FCHSD2: variants seen among roughly 807,000 people sequenced by gnomAD.
FCHSD2 encodes FCH and double SH3 domains 2.
FCHSD2 carries 38 observed loss-of-function variants against 108.1 expected under a neutral mutation model. The observed-to-expected ratio is 0.35, with a 90% CI of 0.27 to 0.46. The LOEUF is 0.46. Among genes scored for constraint, FCHSD2 ranks in the 20% least tolerant of loss-of-function variants. The probability of loss-of-function intolerance (pLI) is 1.00; values close to 1 mark genes in which losing one functional copy is unlikely to be tolerated. For missense variants in FCHSD2, 751 were observed against 897.8 expected (o/e 0.84, Z 2.09); for synonymous variants, 279 against 314.7 (o/e 0.89, Z 1.20).
At chr11:72,987,421 T>C (rs1857330866) in intron 6 of FCHSD2, among the ~76,000 whole-genome samples, 1 of 152,236 alleles carries the variant, frequency 6.6e-6, no homozygotes, top group Non-Finnish European at 1.5e-5. Flanking sequence ...AGGCACTTGA[T>C]TTCTTTGAGT....
chr11:73,047,831 C>G (rs1858803595), intron 3 of FCHSD2, among the ~76,000 whole-genome samples: 1 of 152,146 alleles, frequency 6.6e-6, no homozygotes, highest in Non-Finnish European at 1.5e-5. Flanking sequence ...TTGCTAATGA[C>G]TGTATATACA....
intron 8 of FCHSD2, among the ~76,000 whole-genome samples, chr11:72,960,268 A>G (rs967207771): frequency 2.0e-5 from 3 of 152,156 alleles, no homozygotes; most frequent in African/African-American, 7.2e-5. Context: ...GGCGGGCACT[A>G]AGCGATTCAT....
At chr11:72,975,094 T>G (rs2135388753) in intron 8 of FCHSD2, among the ~76,000 whole-genome samples, 1 of 152,332 alleles carries the variant, frequency 6.6e-6, no homozygotes, top group Non-Finnish European at 1.5e-5. Flanking sequence ...CTGGCTTATT[T>G]CACTTAACAT....
chr11:73,133,667 G>C (rs1861054801), intron 2 of FCHSD2, among the ~76,000 whole-genome samples: 1 of 151,710 alleles, frequency 6.6e-6, no homozygotes, highest in Non-Finnish European at 1.5e-5. Context: ...ACGGTGGCGG[G>C]CACCTATAAT....
chr11:73,004,175 T>A (rs1857689998), intron 4 of FCHSD2, among the ~76,000 whole-genome samples: 1 of 142,426 alleles, frequency 7.0e-6, no homozygotes, highest in African/African-American at 2.6e-5. Context: ...ATTCTACATA[T>A]CACATGGTAA....
intron 9 of FCHSD2, among the ~76,000 whole-genome samples, chr11:72,915,964 G>A (rs572356421): frequency 6.6e-6 from 1 of 152,272 alleles, no homozygotes; most frequent in East Asian, 1.9e-4. Flanking sequence ...ACTAATGTAG[G>A]AACAGAAAAG....
intron 3 of FCHSD2, among the ~76,000 whole-genome samples, chr11:73,052,821 A>G (rs1427427383): frequency 6.6e-6 from 1 of 152,134 alleles, no homozygotes; most frequent in Non-Finnish European, 1.5e-5. Context: ...CAGTTTCTAC[A>G]GATATTTAGG....
chr11:72,980,221 T>C (rs1446975099), intron 8 of FCHSD2, among the ~76,000 whole-genome samples: 1 of 152,094 alleles, frequency 6.6e-6, no homozygotes, highest in Non-Finnish European at 1.5e-5. Context: ...GGGGGAAAAG[T>C]TGAAATAACT....
chr11:72,950,403 C>T (rs888168897), intron 8 of FCHSD2, among the ~76,000 whole-genome samples: 9 of 151,852 alleles, frequency 5.9e-5, no homozygotes, highest in African/African-American at 2.2e-4. Context: ...AAACTGTTGC[C>T]TATTCTAAGT....
chr11:72,946,766 C>T (rs1159547491), intron 8 of FCHSD2, among the ~76,000 whole-genome samples: 1 of 152,140 alleles, frequency 6.6e-6, no homozygotes, highest in Non-Finnish European at 1.5e-5. Context: ...TTTACAACCA[C>T]CTTTAAGGTA....
chr11:73,017,154 T>C (rs967458594), intron 3 of FCHSD2, among the ~76,000 whole-genome samples: 1 of 152,162 alleles, frequency 6.6e-6, no homozygotes, highest in Non-Finnish European at 1.5e-5. Context: ...AGCTAACTTT[T>C]TGTATTTTTA....
At chr11:73,092,721 A>G (rs927128931) in intron 2 of FCHSD2, among the ~76,000 whole-genome samples, 1 of 152,202 alleles carries the variant, frequency 6.6e-6, no homozygotes, top group Non-Finnish European at 1.5e-5. Flanking sequence ...CTACATCCAC[A>G]TGGACCAATC....
chr11:72,983,409 G>A (rs1170202665), intron 8 of FCHSD2, among the ~76,000 whole-genome samples: 1 of 152,046 alleles, frequency 6.6e-6, no homozygotes, highest in East Asian at 1.9e-4. Context: ...GTTCAAGGCT[G>A]CAGTGAGCCG....
At chr11:73,030,922 C>T (rs548356077) in intron 3 of FCHSD2, among the ~76,000 whole-genome samples, 5 of 152,060 alleles carry the variant, frequency 3.3e-5, no homozygotes, top group South Asian at 2.1e-4. Flanking sequence ...TATACTTGCG[C>T]GTCCTGAATT....
intron 3 of FCHSD2, among the ~76,000 whole-genome samples, chr11:73,058,731 C>T (rs1001300679): frequency 4.0e-5 from 6 of 151,438 alleles, no homozygotes; most frequent in Non-Finnish European, 8.8e-5. Flanking sequence ...GAGTACCTGG[C>T]TAATTTTTGA....
At chr11:72,987,690 G>A (rs1279727300) in intron 6 of FCHSD2, among the ~76,000 whole-genome samples, 4 of 152,072 alleles carry the variant, frequency 2.6e-5, no homozygotes, top group Non-Finnish European at 5.9e-5. Flanking sequence ...TCTCAGAAAC[G>A]CCCCTCCACT....
chr11:73,051,203 G>T (rs1858890670), intron 3 of FCHSD2, among the ~76,000 whole-genome samples: 1 of 152,018 alleles, frequency 6.6e-6, no homozygotes. Context: ...TGCTGCCAGT[G>T]GTGTTGCATG....
At chr11:73,052,274 G>A (rs1858919110) in intron 3 of FCHSD2, among the ~76,000 whole-genome samples, 1 of 152,160 alleles carries the variant, frequency 6.6e-6, no homozygotes, top group African/African-American at 2.4e-5. Context: ...TTTAAATTTT[G>A]TGTAACGGTA....
At chr11:73,108,601 G>A (rs971349740) in intron 2 of FCHSD2, among the ~76,000 whole-genome samples, 2 of 151,866 alleles carry the variant, frequency 1.3e-5, no homozygotes, top group Admixed American at 6.5e-5. Context: ...TCGCTCTGTC[G>A]CCCAGGCCGG....
Sources: allele counts gnomAD v4.1 joint callset (sites outside exome capture counted in the v4.1 genomes callset), GRCh38; gene constraint gnomAD v4.1.1; transcripts MANE v1.5; gene names NCBI Gene and HGNC (gene_info 2026-07-23, HGNC 2026-07-21).